The following TRPC4AP variants were observed in gnomAD, a reference collection of about 807,000 sequenced individuals.
The protein encoded by TRPC4AP is transient receptor potential cation channel subfamily C member 4 associated protein, also known as short transient receptor potential channel 4-associated protein.
In TRPC4AP, 45 loss-of-function variants were observed where a neutral mutation model predicts 99.0. The observed-to-expected ratio is 0.45, with a 90% CI of 0.36 to 0.58. The LOEUF (loss-of-function observed/expected upper bound fraction) is 0.58. Among genes scored for constraint, TRPC4AP ranks in the 20% least tolerant of loss-of-function variants. The probability of loss-of-function intolerance (pLI) is 0.00; values close to 1 mark genes in which losing one functional copy is unlikely to be tolerated. For missense variants in TRPC4AP, 879 were observed against 985.3 expected, an observed-to-expected ratio of 0.89 and a Z score of 1.44; for synonymous variants, 408 against 385.8, an observed-to-expected ratio of 1.06 and a Z score of -0.67.
At chr20:35,080,013 T>TAAAA (rs71196785) in intron 1 of TRPC4AP, among the ~76,000 whole-genome samples, 16 of 93,844 alleles carry the variant, frequency 1.7e-4, no homozygotes, top group African/African-American at 5.2e-4. Flanking sequence ...CAGAGCAAGA[T>TAAAA]AAAAAAAAAA....
chr20:35,063,094 G>C (rs1338434369), intron 3 of TRPC4AP, among the ~76,000 whole-genome samples: 1 of 152,226 alleles, frequency 6.6e-6, no homozygotes, highest in African/African-American at 2.4e-5. Context: ...CCCCCATGCT[G>C]TTCTCGTGAT....
intron 1 of TRPC4AP, among the ~76,000 whole-genome samples, chr20:35,079,209 T>C (rs181981819): frequency 6.6e-6 from 1 of 152,068 alleles, no homozygotes; most frequent in Non-Finnish European, 1.5e-5. Context: ...GGGTTAATTC[T>C]CCAAGAAGAC....
Position 35,003,024 on chromosome 20 carries a change from G to T in TRPC4AP, c.*122C>A. The T allele has an allele frequency of 7.1e-7, 1 of 1,416,438 alleles. No individual in the cohort carries two copies. The highest frequency in any genetic ancestry group is 9.6e-7 in the Non-Finnish European group (1 of 1,039,656). The allele number at this position is 1,416,438 out of a possible 1,614,324, so 87.7% of individuals were successfully genotyped here. A position where few individuals can be genotyped will look rare whatever the true frequency, so the allele number is the denominator to read the frequency against. The stretch of plus-strand genomic sequence containing the variant: ...CTAGGACTTCCCTCCCACCAAGCCT[G>T]TACCCAAAGACCTGGGGCAGGCAGA... On this transcript the variant is annotated 3_prime_UTR_variant, in exon 19 of 19. Coordinates refer to ENST00000252015, the MANE Select transcript of TRPC4AP (RefSeq NM_015638.3).
At chr20:35,089,886 T>G (rs1464314963) in intron 1 of TRPC4AP, among the ~76,000 whole-genome samples, 2 of 151,910 alleles carry the variant, frequency 1.3e-5, no homozygotes, top group Non-Finnish European at 2.9e-5. Flanking sequence ...GGTCTTTTCC[T>G]ACTATACCAC....
At position 35,035,176 on chromosome 20, in the gene TRPC4AP, A is replaced by G; in HGVS notation, c.998T>C (p.Leu333Ser). Residue 333 changes from leucine to serine, a missense_variant, in exon 8 of 19, where the codon TTG (leucine) becomes TCG (serine). Transcript: ENST00000252015. ...EEWYTWLDNA[L>S]VLDALMRVAN... ...CACTCGCATCAGGGCATCTAGCACC[A>G]AAGCATTGTCTAGCCATGTGTACCA... 2 of 1,614,090 alleles carry G rather than the reference A, an allele frequency of 1.2e-6. No homozygotes were observed. Among genetic ancestry groups the G allele is most frequent in the Non-Finnish European group, 1.7e-6 (2 of 1,180,004 alleles).
chr20:35,020,777 T>C (rs1457517296), intron 9 of TRPC4AP, among the ~76,000 whole-genome samples: 1 of 152,114 alleles, frequency 6.6e-6, no homozygotes, highest in Non-Finnish European at 1.5e-5. Context: ...ACCTTGCACA[T>C]CTGGAGCTCC....
chr20:35,017,985 G>A (rs1006289963), intron 9 of TRPC4AP, among the ~76,000 whole-genome samples: 2 of 152,146 alleles, frequency 1.3e-5, no homozygotes, highest in South Asian at 4.1e-4. Context: ...TGCTTAACTG[G>A]GGGTGGGGAG....
At chr20:35,082,104 A>AT (rs2084662457) in intron 1 of TRPC4AP, among the ~76,000 whole-genome samples, 1 of 152,244 alleles carries the variant, frequency 6.6e-6, no homozygotes, top group Non-Finnish European at 1.5e-5. Flanking sequence ...AAAATATCTA[A>AT]TAAAAACTTC....
At position 35,003,428 on chromosome 20, in the gene TRPC4AP, G is replaced by A. The variant is rs1224177225; in HGVS notation, c.2238C>T (p.Asp746=). The A allele has an allele frequency of 1.2e-6, 2 of 1,613,464 alleles. No homozygotes were observed. Among genetic ancestry groups the A allele is most frequent in the Non-Finnish European group, 1.7e-6 (2 of 1,179,652 alleles). ...CACTCACGTTCTCTAGGCAGGTGCT[G>A]TCCTTGTCCTTGTGCAGGTAGTGCT... ...WQQHYLHKDK[D]STCLENSSCI... Residue 746 remains aspartate, a synonymous_variant, in exon 18 of 19, where the codon GAC becomes GAT. Transcript: ENST00000252015.
chr20:35,016,275 G>A, intron 9 of TRPC4AP, 136 bp from the exon 10 acceptor site: 1 of 1,016,626 alleles, frequency 9.8e-7, no homozygotes, highest in Admixed American at 2.2e-5. Flanking sequence ...AGGGTCTGAA[G>A]AAAACATCCG....
At chr20:35,058,985 G>A (rs566681540) in intron 3 of TRPC4AP, among the ~76,000 whole-genome samples, 6 of 152,002 alleles carry the variant, frequency 3.9e-5, no homozygotes, top group African/African-American at 9.6e-5. Context: ...CACCGCACCC[G>A]GCCAAAGAAA....
chr20:35,022,435 C>T (rs1258163721), intron 8 of TRPC4AP, among the ~76,000 whole-genome samples: 2 of 152,188 alleles, frequency 1.3e-5, no homozygotes, highest in Admixed American at 6.5e-5. Flanking sequence ...GGATTACAGG[C>T]GTGAGCCACG....
chr20:35,045,670 T>C (rs902200462), intron 6 of TRPC4AP, among the ~76,000 whole-genome samples: 1 of 151,892 alleles, frequency 6.6e-6, no homozygotes, highest in Admixed American at 6.6e-5. Flanking sequence ...TCCCAAGTAG[T>C]GGGGATTACA....
chr20:35,069,274 G>C (rs778237498), intron 3 of TRPC4AP, 22 bp downstream of exon 3: 4 of 1,355,862 alleles, frequency 3.0e-6, no homozygotes, highest in East Asian at 4.6e-5. Flanking sequence ...AACAGCAGTA[G>C]TAATAATAAA....
At chr20:35,066,328 A>G (rs995867501) in intron 3 of TRPC4AP, among the ~76,000 whole-genome samples, 1 of 152,034 alleles carries the variant, frequency 6.6e-6, no homozygotes. Context: ...GCTGGTCTCT[A>G]ACTCCTCAAC....
chr20:35,086,791 T>C (rs1415397883), intron 1 of TRPC4AP, among the ~76,000 whole-genome samples: 1 of 151,848 alleles, frequency 6.6e-6, no homozygotes, highest in African/African-American at 2.4e-5. Context: ...TCCCAGCACT[T>C]TGGGAGGCTG....
rs1433623133 is a variant in TRPC4AP at position 35,002,456 on chromosome 20, T to C, written c.*690A>G. On this transcript the variant is annotated 3_prime_UTR_variant, in exon 19 of 19. Coordinates refer to ENST00000252015, the MANE Select transcript of TRPC4AP (RefSeq NM_015638.3). ...GTCTCCATTTAATTGGTTTATTTGC[T>C]GTTAATAAATTGGCAACACAAGGAA... 5.4e-6 allele frequency: 2 copies of C among 373,322 alleles called. No individual in the cohort carries two copies. The highest frequency in any genetic ancestry group is 4.0e-5 in the East Asian group (1 of 25,188). The allele number at this position is 373,322 out of a possible 1,614,324, so 23.1% of individuals were successfully genotyped here. A position where few individuals can be genotyped will look rare whatever the true frequency, so the allele number is the denominator to read the frequency against.
At chr20:35,074,259 C>G (rs1213588265) in intron 2 of TRPC4AP, among the ~76,000 whole-genome samples, 1 of 152,096 alleles carries the variant, frequency 6.6e-6, no homozygotes, top group Non-Finnish European at 1.5e-5. Flanking sequence ...TTTTTTGTGT[C>G]TCTATATCCT....
chr20:35,075,160 T>C (rs2084439509), intron 2 of TRPC4AP, among the ~76,000 whole-genome samples: 1 of 152,120 alleles, frequency 6.6e-6, no homozygotes, highest in Admixed American at 6.6e-5. Flanking sequence ...TGTCTCTGCA[T>C]GTGAGATGGG....
Sources: gnomAD v4.1 joint callset for allele counts (sites outside exome capture counted in the v4.1 genomes callset) on GRCh38, gnomAD v4.1.1 for gene constraint, MANE v1.5 for transcripts, NCBI Gene and HGNC (gene_info 2026-07-23, HGNC 2026-07-21) for gene names.